Variants in IARS1 observed in about 807,000 individuals in gnomAD.
IARS1 encodes isoleucine--tRNA ligase, cytoplasmic.
A neutral mutation model predicts 168.2 loss-of-function variants in IARS1; 124 were observed. The observed-to-expected ratio is 0.74, with a 90% CI of 0.64 to 0.86. The LOEUF (loss-of-function observed/expected upper bound fraction) is 0.86. Ranked by LOEUF, IARS1 falls within the 40% of genes least tolerant of loss-of-function variation. The probability of loss-of-function intolerance (pLI) is 0.00; values close to 1 mark genes in which losing one functional copy is unlikely to be tolerated. For missense variants in IARS1, 1,452 were observed against 1,515.8 expected (o/e 0.96, Z 0.70); for synonymous variants, 532 against 529.4 (o/e 1.00, Z -0.07).
chr9:92,288,474 C>G (rs1835804395), intron 2 of IARS1, among the ~76,000 whole-genome samples, 192 bp from the exon 3 acceptor site: 1 of 152,180 alleles, frequency 6.6e-6, no homozygotes, highest in Non-Finnish European at 1.5e-5. Context: ...GGTAGAGCTA[C>G]AGAGACCTCC....
chr9:92,266,808 A>G (rs951655216), intron 14 of IARS1, among the ~76,000 whole-genome samples: 10 of 152,236 alleles, frequency 6.6e-5, no homozygotes, highest in African/African-American at 2.2e-4. Flanking sequence ...AAGTGGATGT[A>G]GCCTGAGGTC....
rs763167401 is a variant in IARS1 at position 92,249,915 on chromosome 9, G to C, written c.2559C>G (p.Ile853Met). 3 of 1,605,598 alleles carry C rather than the reference G, an allele frequency of 1.9e-6. No individual in the cohort carries two copies. The highest frequency in any genetic ancestry group is 2.6e-6 in the Non-Finnish European group (3 of 1,172,676). The stretch of plus-strand genomic sequence containing the variant: ...CTTTAAGAGCTTCTGGATCTTGATG[G>C]ATAACCACAATTTCTTTCAAAGGAT... The part of the protein sequence containing the change: ...IKYPLKEIVV[I>M]HQDPEALKDI... The change falls in exon 25 of 34, where the codon ATC (isoleucine) becomes ATG (methionine). Residue 853 changes from isoleucine (I) to methionine (M), a missense_variant. Coordinates refer to ENST00000443024, the MANE Select transcript of IARS1 (RefSeq NM_002161.6).
rs141869339 is a variant in IARS1 at position 92,270,858 on chromosome 9, C to A, written c.1205+127G>T. 4.0e-5 allele frequency: 23 copies of A among 568,150 alleles called. No homozygotes were observed. In the African/African-American group the frequency reaches 4.4e-4, roughly 11 times the overall value. 35.2% of individuals were successfully genotyped at this position (568,150 alleles called of 1,614,324 possible). ...TCCTAAAAATGAAGTAAGAAGGTGG[C>A]TTCCCAAACCAACTCTAAAGGATAC... On this transcript the variant is annotated intron_variant, in intron 12 of 33. Transcript: ENST00000443024.
chr9:92,218,331 A>C (rs1392115641), intron 33 of IARS1, among the ~76,000 whole-genome samples: 1 of 140,838 alleles, frequency 7.1e-6, no homozygotes, highest in East Asian at 2.0e-4. Context: ...CTGAATGGGC[A>C]AAAACTGGAA....
chr9:92,221,042 C>T (rs904768724), intron 33 of IARS1, among the ~76,000 whole-genome samples: 2 of 152,016 alleles, frequency 1.3e-5, no homozygotes, highest in Non-Finnish European at 2.9e-5. Flanking sequence ...AAAATGTACA[C>T]CTAGGGAAAT....
intron 33 of IARS1, among the ~76,000 whole-genome samples, chr9:92,217,740 T>C (rs903160624): frequency 6.6e-6 from 1 of 152,194 alleles, no homozygotes; most frequent in African/African-American, 2.4e-5. Context: ...GTTGAATCTC[T>C]GAATAGACCA....
intron 6 of IARS1, among the ~76,000 whole-genome samples, chr9:92,285,159 TG>T (rs1213391181): frequency 3.3e-5 from 5 of 152,136 alleles, no homozygotes; most frequent in Admixed American, 3.3e-4. Context: ...CGAGAAGAGA[TG>T]GTTCACATTT....
intron 14 of IARS1, 116 bp downstream of exon 14, chr9:92,268,058 G>A: frequency 9.0e-7 from 1 of 1,106,046 alleles, no homozygotes; most frequent in Non-Finnish European, 1.3e-6. Context: ...GAGGAAAAAA[G>A]ATGAAATAAG....
chr9:92,232,632 G>T (rs1826898636), intron 30 of IARS1, among the ~76,000 whole-genome samples: 1 of 152,154 alleles, frequency 6.6e-6, no homozygotes, highest in South Asian at 2.1e-4. Flanking sequence ...TTTATGTGTG[G>T]TCAACCTGGG....
intron 31 of IARS1, among the ~76,000 whole-genome samples, chr9:92,225,355 T>C (rs1002313496): frequency 1.3e-5 from 2 of 152,208 alleles, no homozygotes; most frequent in Non-Finnish European, 2.9e-5. Flanking sequence ...TAGCCAATTC[T>C]TATTTTTCCA....
chr9:92,278,338 A>G, intron 7 of IARS1, 52 bp from the exon 8 acceptor site: 1 of 1,243,854 alleles, frequency 8.0e-7, no homozygotes, highest in Non-Finnish European at 1.2e-6. Context: ...AACTTGGCTG[A>G]TTCCAAAGAC....
chr9:92,229,242 C>T lies in IARS1; in HGVS notation c.3284-116G>A, dbSNP rs987125897. 19 of 904,364 alleles carry T rather than the reference C, an allele frequency of 2.1e-5. No individual in the cohort carries two copies. In the African/African-American group the frequency reaches 3.2e-4, roughly 15 times the overall value. 56.0% of individuals were successfully genotyped at this position (904,364 alleles called of 1,614,324 possible). On this transcript the variant is annotated intron_variant, in intron 30 of 33. Transcript: ENST00000443024. ...AAGCCCTAATATTTTTCCTTTTCCC[C>T]CAACTATACACTATATATATGTGTA...
At chr9:92,282,063 A>C (rs1333577810) in intron 6 of IARS1, among the ~76,000 whole-genome samples, 1 of 152,184 alleles carries the variant, frequency 6.6e-6, no homozygotes, top group Non-Finnish European at 1.5e-5. Context: ...CATCAATGTT[A>C]ATTTTCTAAC....
chr9:92,213,292 C>T (rs1447880706), intron 33 of IARS1, among the ~76,000 whole-genome samples: 1 of 152,150 alleles, frequency 6.6e-6, no homozygotes, highest in East Asian at 1.9e-4. Context: ...CAACAAATCT[C>T]TGCTGAAGAA....
intron 16 of IARS1, among the ~76,000 whole-genome samples, chr9:92,263,733 C>A (rs1831869406): frequency 6.6e-6 from 1 of 152,172 alleles, no homozygotes; most frequent in African/African-American, 2.4e-5. Flanking sequence ...GGAGAGGTAG[C>A]CCAGGCCTCA....
At chr9:92,252,795 A>AAAAAAAAAC (rs1830201442) in intron 21 of IARS1, among the ~76,000 whole-genome samples, 1 of 148,864 alleles carries the variant, frequency 6.7e-6, no homozygotes, top group African/African-American at 2.5e-5. Flanking sequence ...AAAAAAAAAA[A>AAAAAAAAAC]AAGACATGAC....
chr9:92,268,460 C>T (rs1288594722), intron 13 of IARS1, among the ~76,000 whole-genome samples, 160 bp from the exon 14 acceptor site: 1 of 152,222 alleles, frequency 6.6e-6, no homozygotes, highest in Non-Finnish European at 1.5e-5. Context: ...GACAGCATAG[C>T]ACACACAACA....
rs1487389322 is a variant in IARS1, at chr9:92,210,897, G to A, written c.3707-8C>T. ...GGATGTCTTCTGTAATTTCTAGAATGGAAAGAAAAAGTTGAAAAAAAATCA... is the reference window on the plus strand; with the variant it reads ...GGATGTCTTCTGTAATTTCTAGAATAGAAAGAAAAAGTTGAAAAAAAATCA... On this transcript the variant is annotated splice_region_variant and splice_polypyrimidine_tract_variant and intron_variant, in intron 33 of 33. Transcript: ENST00000443024. 1.3e-6 allele frequency: 2 copies of A among 1,575,780 alleles called. No individual in the cohort carries two copies. The highest frequency in any genetic ancestry group is 2.7e-5 in the African/African-American group (2 of 74,136).
intron 18 of IARS1, 98 bp from the exon 19 acceptor site, chr9:92,259,096 A>G (rs890379345): frequency 5.4e-6 from 6 of 1,103,594 alleles, no homozygotes; most frequent in African/African-American, 3.2e-5. Flanking sequence ...AATCAGTCCT[A>G]TTTTCTACAA....
Sources: allele counts gnomAD v4.1 joint callset (sites outside exome capture counted in the v4.1 genomes callset), GRCh38; gene constraint gnomAD v4.1.1; transcripts MANE v1.5; gene names NCBI Gene and HGNC (gene_info 2026-07-23, HGNC 2026-07-21).